KAT6B: variants seen among roughly 807,000 people sequenced by gnomAD.
KAT6B encodes the protein lysine acetyltransferase 6B, also known as histone acetyltransferase KAT6B.
KAT6B carries 10 observed loss-of-function variants against 187.5 expected under a neutral mutation model. That is an observed-to-expected ratio of 0.05 (90% CI 0.03 to 0.09). KAT6B has a LOEUF of 0.09. KAT6B is among the 10% of genes least tolerant of loss of function. The pLI is 1.00. For synonymous variants in KAT6B, 861 were observed against 926.8 expected (o/e 0.93, Z 1.29); for missense variants, 1,952 against 2,558.9 (o/e 0.76, Z 5.12).
intron 13 of KAT6B, among the ~76,000 whole-genome samples, chr10:75,011,007 C>T (rs1356473165): frequency 6.6e-6 from 1 of 152,146 alleles, no homozygotes; most frequent in East Asian, 1.9e-4. Context: ...TAAAGCCTTT[C>T]AGTGGTAAGT....
At chr10:74,966,560 T>C (rs1046700439) in intron 4 of KAT6B, among the ~76,000 whole-genome samples, 1 of 152,232 alleles carries the variant, frequency 6.6e-6, no homozygotes, top group Non-Finnish European at 1.5e-5. Context: ...TTGGTTTTGC[T>C]AGATAAAACT....
At chr10:74,835,650 C>T (rs1447446156) in intron 1 of KAT6B, among the ~76,000 whole-genome samples, 1 of 152,158 alleles carries the variant, frequency 6.6e-6, no homozygotes, top group African/African-American at 2.4e-5. Flanking sequence ...TTGGCTAAGT[C>T]AAGCCTGTTT....
chr10:74,978,747 CAATTGATTATTT>C (rs776207000), intron 9 of KAT6B, among the ~76,000 whole-genome samples: 4 of 152,130 alleles, frequency 2.6e-5, no homozygotes, highest in Non-Finnish European at 4.4e-5. Flanking sequence ...GCAGATTTCA[CAATTGATTATTT>C]AATTACAGTT....
chr10:74,913,154 C>T (rs1036966599), intron 3 of KAT6B, among the ~76,000 whole-genome samples: 2 of 152,116 alleles, frequency 1.3e-5, no homozygotes, highest in African/African-American at 4.8e-5. Flanking sequence ...ACAGGTAAGT[C>T]TACAGGTATC....
At chr10:74,988,797 T>C (rs1842961257) in intron 12 of KAT6B, among the ~76,000 whole-genome samples, 1 of 152,258 alleles carries the variant, frequency 6.6e-6, no homozygotes. Context: ...TTTATGGCAC[T>C]GACTTTCAAG....
At chr10:74,977,222 C>T in intron 8 of KAT6B, 94 bp from the exon 9 acceptor site, 1 of 1,344,968 alleles carries the variant, frequency 7.4e-7, no homozygotes, top group Non-Finnish European at 1.0e-6. Context: ...TCCCTATTTG[C>T]CCAGTATGCT....
At chr10:75,009,759 A>C (rs918473651) in intron 13 of KAT6B, among the ~76,000 whole-genome samples, 1 of 152,154 alleles carries the variant, frequency 6.6e-6, no homozygotes, top group African/African-American at 2.4e-5. Flanking sequence ...TAATCTCAGC[A>C]CTTTGGGAGG....
At chr10:74,926,224 C>A (rs763469438) in intron 3 of KAT6B, among the ~76,000 whole-genome samples, 6 of 152,164 alleles carry the variant, frequency 3.9e-5, no homozygotes, top group Non-Finnish European at 8.8e-5. Context: ...GAAGCCGAGG[C>A]GGGCAGATCA....
intron 3 of KAT6B, among the ~76,000 whole-genome samples, chr10:74,927,004 AT>A (rs1848555943): frequency 6.6e-6 from 1 of 152,230 alleles, no homozygotes; most frequent in Admixed American, 6.5e-5. Context: ...AGGCAGTGGA[AT>A]CATCACAATG....
intron 13 of KAT6B, among the ~76,000 whole-genome samples, chr10:75,011,077 G>C (rs1421374519): frequency 6.6e-6 from 1 of 152,150 alleles, no homozygotes; most frequent in Non-Finnish European, 1.5e-5. Flanking sequence ...TCAACTTGGG[G>C]AGCAAGCCTA....
At chr10:74,941,839 G>A (rs925121570) in intron 3 of KAT6B, among the ~76,000 whole-genome samples, 11 of 152,172 alleles carry the variant, frequency 7.2e-5, no homozygotes, top group Non-Finnish European at 1.6e-4. Flanking sequence ...GATTGGCTTT[G>A]CTTTCATACT....
chr10:74,895,838 T>C (rs1306334838), intron 3 of KAT6B, among the ~76,000 whole-genome samples: 2 of 152,132 alleles, frequency 1.3e-5, no homozygotes, highest in African/African-American at 4.8e-5. Flanking sequence ...TATCAATCTT[T>C]CCAGCTTTAC....
intron 3 of KAT6B, among the ~76,000 whole-genome samples, chr10:74,872,683 A>T (rs1447027987): frequency 4.9e-5 from 7 of 143,696 alleles, no homozygotes; most frequent in African/African-American, 1.5e-4. Flanking sequence ...TGGCTAATTA[A>T]TTTTTTTTTT....
At chr10:75,015,271 A>G (rs1844897126) in intron 13 of KAT6B, among the ~76,000 whole-genome samples, 1 of 152,200 alleles carries the variant, frequency 6.6e-6, no homozygotes, top group African/African-American at 2.4e-5. Context: ...AGTAAAATAT[A>G]TGAAAAATTC....
chr10:74,914,226 G>A (rs1847477936), intron 3 of KAT6B, among the ~76,000 whole-genome samples: 1 of 151,778 alleles, frequency 6.6e-6, no homozygotes, highest in Non-Finnish European at 1.5e-5. Context: ...TACTTATTTA[G>A]TAAGTCCATA....
chr10:74,958,233 C>T (rs1164353875), intron 3 of KAT6B, among the ~76,000 whole-genome samples: 2 of 152,118 alleles, frequency 1.3e-5, no homozygotes, highest in Non-Finnish European at 2.9e-5. Context: ...CATATATTTC[C>T]TTCATGTATT....
Position 75,031,133 on chromosome 10 carries a change from A to C in KAT6B, c.*87A>C. 1.4e-6 allele frequency: 2 copies of C among 1,476,204 alleles called. No individual in the cohort carries two copies. The highest frequency in any genetic ancestry group is 1.9e-6 in the Non-Finnish European group (2 of 1,075,004). The allele number at this position is 1,476,204 out of a possible 1,614,324, so 91.4% of individuals were successfully genotyped here. On this transcript the variant is annotated 3_prime_UTR_variant, in exon 18 of 18. Coordinates refer to ENST00000287239, the MANE Select transcript of KAT6B (RefSeq NM_012330.4). ...CTTTGAAGAGTACGATTTCAAAACC[A>C]GCAATTGGTGTGAATGCAAAAACAT...
Position 74,843,308 on chromosome 10 carries a change from C to A in KAT6B, c.451C>A (p.Arg151=), listed in dbSNP as rs1328912370. ...CACCAACAACCCAGCCTTTCAGCAG[C>A]GGCTGCGACTGGGGGCCAAACGCGC... is the stretch of plus-strand genomic sequence containing the variant. The part of the protein sequence containing the change: ...STTNNPAFQQ[R]LRLGAKRAVN... Residue 151 remains arginine, a synonymous_variant, in exon 3 of 18, where the codon CGG becomes AGG. Coordinates refer to ENST00000287239, the MANE Select transcript of KAT6B (RefSeq NM_012330.4). 6.2e-7 allele frequency: 1 copy of A among 1,613,624 alleles called. No individual in the cohort carries two copies. The highest frequency in any genetic ancestry group is 2.2e-5 in the East Asian group (1 of 44,878).
intron 3 of KAT6B, among the ~76,000 whole-genome samples, chr10:74,955,845 C>G (rs1358263364): frequency 6.6e-6 from 1 of 152,068 alleles, no homozygotes; most frequent in African/African-American, 2.4e-5. Flanking sequence ...TGTAAAAGTC[C>G]AGAATCCAAC....
Sources: gnomAD v4.1 joint callset for allele counts (sites outside exome capture counted in the v4.1 genomes callset) on GRCh38, gnomAD v4.1.1 for gene constraint, MANE v1.5 for transcripts, NCBI Gene and HGNC (gene_info 2026-07-23, HGNC 2026-07-21) for gene names.